Variants in LDB2 observed in about 807,000 individuals in gnomAD.
LDB2 encodes the protein LIM domain-binding protein 2.
In LDB2, 12 loss-of-function variants were observed where a neutral mutation model predicts 44.3. That is an observed-to-expected ratio of 0.27 (90% confidence interval 0.17 to 0.44). LDB2 has a LOEUF of 0.44. LDB2 is among the 20% of genes least tolerant of loss of function. The pLI, the probability that LDB2 is intolerant of heterozygous loss-of-function variation, is 1.00. For missense variants in LDB2, 344 were observed against 473.5 expected (o/e 0.73, Z 2.54); for synonymous variants, 164 against 174.8 (o/e 0.94, Z 0.49).
At chr4:16,762,115 G>C (rs1227051837) in intron 1 of LDB2, among the ~76,000 whole-genome samples, 1 of 152,112 alleles carries the variant, frequency 6.6e-6, no homozygotes, top group African/African-American at 2.4e-5. Flanking sequence ...AGAATAACTT[G>C]AACCTGTGAG....
intron 2 of LDB2, among the ~76,000 whole-genome samples, chr4:16,658,628 T>C (rs1232302039): frequency 6.6e-6 from 1 of 152,180 alleles, no homozygotes; most frequent in African/African-American, 2.4e-5. Context: ...TTTAGAATGT[T>C]CAAAAGCACA....
chr4:16,742,153 T>C (rs4698509), intron 2 of LDB2, among the ~76,000 whole-genome samples: 14,207 of 147,856 alleles, frequency 0.096, 861 homozygotes, highest in Admixed American at 0.17. Context: ...CTCACTGCAA[T>C]CTCCGCCTTT....
At chr4:16,760,865 G>A (rs1413189927) in intron 1 of LDB2, among the ~76,000 whole-genome samples, 2 of 152,172 alleles carry the variant, frequency 1.3e-5, no homozygotes, top group Admixed American at 6.5e-5. Flanking sequence ...TGGTTTATTC[G>A]ACTTTAAATC....
In LDB2 at chr4:16,628,603, C is replaced by T. The variant is rs577363105; in HGVS notation, c.236-32728G>A. ...TTTTGTCCTGTACCATTCGAGAAAG[C>T]CTCTCTTAAATTTGAGTCACCCGGG... On this transcript the variant is annotated intron_variant, in intron 2 of 7. Coordinates refer to ENST00000304523, the MANE Select transcript of LDB2 (RefSeq NM_001290.5). Among the ~76,000 whole-genome samples, 8 of 151,588 alleles carry T rather than the reference C, an allele frequency of 5.3e-5. No individual in the cohort carries two copies. In the South Asian group the frequency reaches 1.5e-3, roughly 28 times the overall value.
chr4:16,528,073 C>T (rs1269689481), intron 5 of LDB2, among the ~76,000 whole-genome samples: 1 of 152,018 alleles, frequency 6.6e-6, no homozygotes, highest in African/African-American at 2.4e-5. Context: ...CTGGATGGGA[C>T]TGGAGGCTAT....
chr4:16,540,334 C>T (rs776575356), intron 5 of LDB2, among the ~76,000 whole-genome samples: 11 of 152,108 alleles, frequency 7.2e-5, no homozygotes, highest in African/African-American at 1.2e-4. Flanking sequence ...TTTTGCCATA[C>T]GGTGTAGTTT....
chr4:16,575,586 T>C (rs528626314), intron 5 of LDB2, among the ~76,000 whole-genome samples: 7 of 152,068 alleles, frequency 4.6e-5, no homozygotes, highest in Non-Finnish European at 8.8e-5. Flanking sequence ...TTCAAAAAAA[T>C]TGAAATAATA....
rs1717566262 is a variant in LDB2 at position 16,501,682 on chromosome 4, C to G, written c.*961G>C. On this transcript the variant is annotated 3_prime_UTR_variant, in exon 8 of 8. Transcript: ENST00000304523. ...ATATGCAAATGGAAAAATTAATTCT[C>G]TTATAAAGTTTCACATAAATACACT... 6.6e-6 allele frequency: 1 copy of G among 152,616 alleles called. No individual in the cohort carries two copies. The highest frequency in any genetic ancestry group is 2.4e-5 in the African/African-American group (1 of 41,444). 9.5% of individuals were successfully genotyped at this position (152,616 alleles called of 1,614,324 possible).
At chr4:16,598,857 G>A (rs1401211932) in intron 2 of LDB2, among the ~76,000 whole-genome samples, 5 of 147,376 alleles carry the variant, frequency 3.4e-5, no homozygotes, top group Admixed American at 7.0e-5. Flanking sequence ...TGCGAGGTGC[G>A]CGCCTCCTTT....
intron 5 of LDB2, among the ~76,000 whole-genome samples, chr4:16,552,560 A>G (rs1738059456): frequency 6.6e-6 from 1 of 152,106 alleles, no homozygotes; most frequent in Admixed American, 6.6e-5. Flanking sequence ...AATGACGCTT[A>G]TTACTCTTCT....
intron 1 of LDB2, among the ~76,000 whole-genome samples, chr4:16,897,973 T>TAC (rs1437333539): frequency 1.8e-4 from 15 of 84,568 alleles, no homozygotes; most frequent in Admixed American, 7.5e-4. Flanking sequence ...TATATATATA[T>TAC]ACACATATGT....
intron 1 of LDB2, among the ~76,000 whole-genome samples, chr4:16,825,292 C>A (rs886883978): frequency 1.3e-5 from 2 of 152,126 alleles, no homozygotes; most frequent in Non-Finnish European, 2.9e-5. Flanking sequence ...AAGAGATTAA[C>A]CAGAAATAAC....
intron 5 of LDB2, among the ~76,000 whole-genome samples, chr4:16,552,509 A>G (rs1218301598): frequency 6.6e-6 from 1 of 152,160 alleles, no homozygotes; most frequent in Non-Finnish European, 1.5e-5. Context: ...AACAAAGGCT[A>G]CCATAGGACT....
chr4:16,648,956 A>G (rs1309947671), intron 2 of LDB2, among the ~76,000 whole-genome samples: 1 of 152,138 alleles, frequency 6.6e-6, no homozygotes, highest in Non-Finnish European at 1.5e-5. Context: ...GCTGAAGCCA[A>G]TAATTTGATT....
intron 1 of LDB2, among the ~76,000 whole-genome samples, chr4:16,788,611 G>T (rs1775015652): frequency 6.6e-6 from 1 of 152,196 alleles, no homozygotes; most frequent in South Asian, 2.1e-4. Context: ...TCTGCCCTCT[G>T]CAGTGATTCT....
intron 1 of LDB2, among the ~76,000 whole-genome samples, chr4:16,846,113 C>A (rs1443246978): frequency 7.2e-3 from 795 of 110,910 alleles, no homozygotes; most frequent in Middle Eastern, 0.013. Flanking sequence ...GACTCTGTCT[C>A]AAAAAAAAAA....
At chr4:16,777,931 T>C (rs1390314903) in intron 1 of LDB2, among the ~76,000 whole-genome samples, 3 of 152,222 alleles carry the variant, frequency 2.0e-5, no homozygotes, top group Non-Finnish European at 2.9e-5. Context: ...CTGGGATTTA[T>C]TGCTGGTGTA....
chr4:16,853,855 C>T (rs1016184775), intron 1 of LDB2, among the ~76,000 whole-genome samples: 1 of 151,996 alleles, frequency 6.6e-6, no homozygotes, highest in African/African-American at 2.4e-5. Context: ...GAACACTATG[C>T]AATGTGAAAT....
At chr4:16,878,075 A>G (rs1718957319) in intron 1 of LDB2, among the ~76,000 whole-genome samples, 1 of 152,246 alleles carries the variant, frequency 6.6e-6, no homozygotes, top group South Asian at 2.1e-4. Flanking sequence ...ACTTGGAGTA[A>G]TGAAGATATT....
Sources: allele counts gnomAD v4.1 joint callset (sites outside exome capture counted in the v4.1 genomes callset), GRCh38; gene constraint gnomAD v4.1.1; transcripts MANE v1.5; gene names NCBI Gene and HGNC (gene_info 2026-07-23, HGNC 2026-07-21).